Variants in ZBBX observed in about 807,000 individuals in gnomAD.
ZBBX encodes zinc finger B-box domain-containing protein 1.
A neutral mutation model predicts 108.5 loss-of-function variants in ZBBX; 101 were observed. That is an observed-to-expected ratio of 0.93 (90% confidence interval 0.79 to 1.10). The LOEUF (loss-of-function observed/expected upper bound fraction) is 1.10, where lower values mean the gene tolerates loss of function less well. ZBBX is among the 50% of genes least tolerant of loss of function. The probability of loss-of-function intolerance (pLI) is 0.00; values close to 1 mark genes in which losing one functional copy is unlikely to be tolerated. For synonymous variants in ZBBX, 356 were observed against 323.4 expected (o/e 1.10, Z -1.08); for missense variants, 1,009 against 941.4 (o/e 1.07, Z -0.94).
At chr3:167,396,721 G>A (rs1396208136) in intron 1 of ZBBX, among the ~76,000 whole-genome samples, 3 of 151,854 alleles carry the variant, frequency 2.0e-5, no homozygotes. Context: ...TTAAAGTTTT[G>A]TTAATGAACA....
chr3:167,402,937 A>G (rs886395984), intron 1 of ZBBX, among the ~76,000 whole-genome samples: 6 of 152,174 alleles, frequency 3.9e-5, no homozygotes, highest in African/African-American at 1.4e-4. Flanking sequence ...TGTTAAAGAC[A>G]TAACAAACTG....
At chr3:167,197,295 T>C in the ZBBX span, among the ~76,000 whole-genome samples, 4 of 150,660 alleles carry the variant, frequency 2.7e-5, no homozygotes, top group Admixed American at 2.6e-4. Flanking sequence ...TCCCAGCACT[T>C]TGGGAGGCTG....
At chr3:167,268,438 C>G (rs754316499) in intron 20 of ZBBX, among the ~76,000 whole-genome samples, 1 of 151,886 alleles carries the variant, frequency 6.6e-6, no homozygotes, top group Non-Finnish European at 1.5e-5. Flanking sequence ...GCCAAGACCC[C>G]TGGTGGGACA....
At chr3:167,202,297 T>A in the ZBBX span, among the ~76,000 whole-genome samples, 13 of 152,180 alleles carry the variant, frequency 8.5e-5, no homozygotes, top group Non-Finnish European at 1.6e-4. Flanking sequence ...ACTGAGCCAC[T>A]GTTCTCTTTG....
chr3:167,368,599 G>A (rs1186957815), intron 4 of ZBBX, 25 bp from the exon 5 acceptor site: 5 of 1,521,458 alleles, frequency 3.3e-6, no homozygotes, highest in Non-Finnish European at 3.5e-6. Flanking sequence ...TTTAAATGGA[G>A]AAAGCAGAAA....
In ZBBX at chr3:167,240,858, C is replaced by T. The variant is rs1560010443; in HGVS notation, c.2455G>A (p.Glu819Lys). 6.2e-7 allele frequency: 1 copy of T among 1,613,666 alleles called. No homozygotes were observed. Among genetic ancestry groups the T allele is most frequent in the African/African-American group, 1.3e-5 (1 of 75,004 alleles). ...LLSLSESSTD[E>K]EEEDFLNKQH... ...TTGTTGAGAAAATCTTCCTCCTCCT[C>T]ATCTGTACTGCTCTCAGAAAGTGAC... The change falls in exon 22 of 22, where the codon GAG becomes AAG. Residue 819 changes from glutamate (E) to lysine (K), a missense_variant. By Grantham distance (56) the Glu-to-Lys change is moderately conservative. Transcript: ENST00000675490.
chr3:167,227,089 T>C, the ZBBX span, among the ~76,000 whole-genome samples: 2 of 151,836 alleles, frequency 1.3e-5, no homozygotes, highest in Non-Finnish European at 2.9e-5. Flanking sequence ...GCTTATTTCT[T>C]TAGTATCTCT....
At chr3:167,249,928 T>C (rs919640275) in intron 20 of ZBBX, among the ~76,000 whole-genome samples, 1 of 152,168 alleles carries the variant, frequency 6.6e-6, no homozygotes, top group Non-Finnish European at 1.5e-5. Context: ...CAGGTGTGCA[T>C]AATGGAGGGC....
intron 9 of ZBBX, among the ~76,000 whole-genome samples, chr3:167,345,081 G>A (rs939295920): frequency 6.6e-6 from 1 of 151,818 alleles, no homozygotes; most frequent in Non-Finnish European, 1.5e-5. Flanking sequence ...TCAAAATTCA[G>A]AGAAAAATAA....
chr3:167,330,653 A>T (rs1738273225), intron 10 of ZBBX, among the ~76,000 whole-genome samples: 1 of 151,506 alleles, frequency 6.6e-6, no homozygotes, highest in Non-Finnish European at 1.5e-5. Flanking sequence ...GTTACACAGG[A>T]GGCTGTGGTG....
chr3:167,228,916 GCT>G, the ZBBX span, among the ~76,000 whole-genome samples: 5 of 151,726 alleles, frequency 3.3e-5, no homozygotes, highest in African/African-American at 4.8e-5. Flanking sequence ...ACTCTCGCTT[GCT>G]CTTTTTCCAC....
chr3:167,347,145 T>C (rs1381911889), intron 9 of ZBBX, among the ~76,000 whole-genome samples: 1 of 151,926 alleles, frequency 6.6e-6, no homozygotes, highest in Non-Finnish European at 1.5e-5. Flanking sequence ...CTGTGCTCTA[T>C]TTACAGGAGG....
chr3:167,279,875 G>A (rs1435060822), intron 20 of ZBBX, among the ~76,000 whole-genome samples: 1 of 152,070 alleles, frequency 6.6e-6, no homozygotes, highest in African/African-American at 2.4e-5. Context: ...AACCAAAACA[G>A]CATGGTACTG....
At chr3:167,290,110 A>C (rs891027639) in intron 18 of ZBBX, among the ~76,000 whole-genome samples, 3 of 152,160 alleles carry the variant, frequency 2.0e-5, no homozygotes, top group African/African-American at 7.2e-5. Flanking sequence ...CCCGGGACAG[A>C]GCACCTAGGG....
chr3:167,284,723 A>T (rs1729414466), intron 19 of ZBBX, among the ~76,000 whole-genome samples: 1 of 152,164 alleles, frequency 6.6e-6, no homozygotes, highest in South Asian at 2.1e-4. Flanking sequence ...AAAGAAACAG[A>T]CCATCTTTCT....
the ZBBX span, among the ~76,000 whole-genome samples, chr3:167,222,890 C>G: frequency 6.6e-6 from 1 of 151,660 alleles, no homozygotes; most frequent in East Asian, 1.9e-4. Context: ...TGTAGGATGA[C>G]TATATTTAAC....
intron 10 of ZBBX, among the ~76,000 whole-genome samples, chr3:167,332,865 T>G (rs1738882686): frequency 6.6e-6 from 1 of 152,268 alleles, no homozygotes; most frequent in South Asian, 2.1e-4. Flanking sequence ...AACTATTCCC[T>G]GCCACTATTC....
chr3:167,322,076 A>C, intron 12 of ZBBX, 41 bp downstream of exon 12: 6 of 1,101,920 alleles, frequency 5.4e-6, no homozygotes, highest in Non-Finnish European at 7.3e-6. Flanking sequence ...AACATAAATA[A>C]CTTTCATATT....
At chr3:167,215,669 C>T in the ZBBX span, among the ~76,000 whole-genome samples, 1 of 151,926 alleles carries the variant, frequency 6.6e-6, no homozygotes, top group Non-Finnish European at 1.5e-5. Context: ...TGGCAGAGAC[C>T]CAAGACAAAA....
Sources: allele counts gnomAD v4.1 joint callset (sites outside exome capture counted in the v4.1 genomes callset), GRCh38; gene constraint gnomAD v4.1.1; transcripts MANE v1.5; gene names NCBI Gene and HGNC (gene_info 2026-07-23, HGNC 2026-07-21).